The following NAV1 variants were observed in gnomAD, a reference collection of about 807,000 sequenced individuals.
NAV1 encodes pore membrane and/or filament interacting like protein 3.
A neutral mutation model predicts 175.2 loss-of-function variants in NAV1; 18 were observed. The ratio of observed to expected loss-of-function variants is 0.10; its 90% CI spans 0.07 to 0.15. NAV1 has a LOEUF of 0.15. Ranked by LOEUF, NAV1 falls within the 10% of genes least tolerant of loss-of-function variation. The probability of loss-of-function intolerance (pLI) is 1.00; values close to 1 mark genes in which losing one functional copy is unlikely to be tolerated. For missense variants in NAV1, 1,731 were observed against 2,436.6 expected (o/e 0.71, Z 6.10); for synonymous variants, 897 against 978.7 (o/e 0.92, Z 1.56).
intron 1 of NAV1, among the ~76,000 whole-genome samples, chr1:201,578,652 G>T (rs1425179842): frequency 1.3e-5 from 2 of 152,154 alleles, no homozygotes; most frequent in Non-Finnish European, 2.9e-5. Flanking sequence ...CACCCTAGTG[G>T]GGTTGTTGGG....
Position 201,812,691 on chromosome 1 carries a change from A to C in NAV1, c.5221+30A>C, listed in dbSNP as rs1678764941. The C allele has an allele frequency of 1.9e-6, 3 of 1,598,508 alleles. No homozygotes were observed. The African/African-American group carries it at 4.0e-5, about 21-fold the overall frequency. ...TGGGGTCCAGCTTCCCCCGGGGGTC[A>C]GGAGGTGGCTTCCCTTTTCCACTGT... On this transcript the variant is annotated intron_variant, in intron 27 of 29. Transcript: ENST00000367296. The surrounding 1 kb of genome is among the most constrained non-coding windows in gnomAD (Gnocchi z 4.6).
intron 1 of NAV1, among the ~76,000 whole-genome samples, chr1:201,565,516 G>T (rs1376224965): frequency 2.6e-5 from 4 of 152,220 alleles, no homozygotes; most frequent in Non-Finnish European, 4.4e-5. Context: ...CCGGCCCATG[G>T]CTATCCCAGG....
intron 1 of NAV1, among the ~76,000 whole-genome samples, chr1:201,682,462 G>A (rs1339306656): frequency 2.0e-5 from 3 of 152,048 alleles, no homozygotes; most frequent in African/African-American, 7.2e-5. Flanking sequence ...CACTCTCCCT[G>A]GTCAGGCTCT....
intron 3 of NAV1, among the ~76,000 whole-genome samples, chr1:201,728,599 CAAA>C (rs1278753255): frequency 5.1e-5 from 3 of 58,760 alleles, no homozygotes; most frequent in Admixed American, 1.8e-4. Context: ...CATCGCAAAA[CAAA>C]AAAAAAAAAA....
intron 1 of NAV1, among the ~76,000 whole-genome samples, chr1:201,572,009 C>G (rs890262961): frequency 6.6e-6 from 1 of 152,240 alleles, no homozygotes; most frequent in Non-Finnish European, 1.5e-5. Context: ...CTCAGTCATT[C>G]ACTCATCTGA....
chr1:201,809,259 G>T, exon 21 of NAV1: 3 of 1,613,920 alleles, frequency 1.9e-6, no homozygotes, highest in Non-Finnish European at 2.5e-6. Flanking sequence ...CATCATCAAA[G>T]GGGTAAGGAA....
At chr1:201,582,302 G>T (rs1666892721) in intron 1 of NAV1, among the ~76,000 whole-genome samples, 2 of 152,174 alleles carry the variant, frequency 1.3e-5, no homozygotes, top group Non-Finnish European at 1.5e-5. Context: ...AGAGAGAGAA[G>T]AGCTGACGAG....
intron 1 of NAV1, among the ~76,000 whole-genome samples, chr1:201,651,122 C>CGTGTGTGTGTGTGTGTGTGTGTGT (rs60462710): frequency 3.8e-4 from 49 of 129,158 alleles, no homozygotes; most frequent in South Asian, 5.7e-4. Flanking sequence ...AGGAAGGGAC[C>CGTGTGTGTGTGTGTGTGTGTGTGT]GTGTGTGTGT....
chr1:201,788,486 C>T lies in NAV1; in HGVS notation c.3014C>T (p.Thr1005Ile). 1 of 1,614,142 alleles carries T rather than the reference C, an allele frequency of 6.2e-7. No homozygotes were observed. The highest frequency in any genetic ancestry group is 8.5e-7 in the Non-Finnish European group (1 of 1,180,014). ...CTTCCAGTGAGTCCCACTGCGGCCA[C>T]CACGCCAAGAATCACCCGCTCCAAC... Residue 1005 changes from threonine (T) to isoleucine (I), a missense_variant, in exon 10 of 30, where the codon ACC becomes ATC. By Grantham distance (89) the Thr-to-Ile change is moderately conservative. Transcript: ENST00000367296. This position sits in a 1 kb window ranked among gnomAD's most constrained non-coding sequence, Gnocchi z 5.7.
intron 1 of NAV1, among the ~76,000 whole-genome samples, chr1:201,576,449 T>A (rs1666691475): frequency 6.6e-6 from 1 of 152,094 alleles, no homozygotes; most frequent in South Asian, 2.1e-4. Context: ...CTATTAAGAA[T>A]AAGCTGATAA....
chr1:201,568,151 G>A (rs970104975), intron 1 of NAV1, among the ~76,000 whole-genome samples: 1 of 152,164 alleles, frequency 6.6e-6, no homozygotes, highest in Admixed American at 6.5e-5. Flanking sequence ...GGGGTGAAAA[G>A]GCAGTGGGGG....
intron 7 of NAV1, 146 bp from the exon 12 acceptor site, chr1:201,785,164 G>T: frequency 1.4e-6 from 1 of 695,088 alleles, no homozygotes; most frequent in Non-Finnish European, 2.3e-6. Context: ...GTATCTCTTG[G>T]TTTCTAGAGC....
At chr1:201,642,501 C>T (rs1226985692) in intron 2 of NAV1, among the ~76,000 whole-genome samples, 4 of 137,300 alleles carry the variant, frequency 2.9e-5, no homozygotes, top group East Asian at 2.0e-4. Context: ...TGTGAGCCAC[C>T]GCACCCGGCC....
intron 2 of NAV1, among the ~76,000 whole-genome samples, chr1:201,630,631 T>C (rs948528300): frequency 3.3e-5 from 5 of 152,212 alleles, no homozygotes; most frequent in African/African-American, 7.2e-5. Flanking sequence ...CATTCTTCCA[T>C]GACAAGCCTT....
intron 2 of NAV1, among the ~76,000 whole-genome samples, chr1:201,617,510 G>C (rs577501784): frequency 6.6e-6 from 1 of 152,166 alleles, no homozygotes; most frequent in East Asian, 1.9e-4. Flanking sequence ...AGGATTGCTC[G>C]AGCTCAGGAG....
intron 1 of NAV1, among the ~76,000 whole-genome samples, chr1:201,547,555 T>C (rs988348192): frequency 3.3e-5 from 5 of 152,230 alleles, no homozygotes; most frequent in Non-Finnish European, 4.4e-5. Context: ...CTTTGACTTA[T>C]ATCATTTCAT....
Position 201,749,667 on chromosome 1 carries a change from A to G in NAV1, c.1227-30754A>G, listed in dbSNP as rs550728351. Among the ~76,000 whole-genome samples, 16 of 152,350 alleles carry G rather than the reference A, an allele frequency of 1.1e-4. No homozygotes were observed. The South Asian group carries it at 2.7e-3, about 26-fold the overall frequency. ...CATAAAAAGAAAGTTGTTTCCATAAAGACTATATTGGAAGTTTCAAAAGGG... is the reference window on the plus strand; with the variant it reads ...CATAAAAAGAAAGTTGTTTCCATAAGGACTATATTGGAAGTTTCAAAAGGG... On this transcript the variant is annotated intron_variant, in intron 3 of 29. Transcript: ENST00000367296.
intron 1 of NAV1, among the ~76,000 whole-genome samples, chr1:201,689,542 G>A (rs1317365162): frequency 6.6e-6 from 1 of 152,172 alleles, no homozygotes; most frequent in African/African-American, 2.4e-5. Flanking sequence ...GGATGGACAG[G>A]CTTTCCTACT....
intron 3 of NAV1, among the ~76,000 whole-genome samples, chr1:201,764,092 A>G (rs746814026): frequency 2.0e-5 from 3 of 152,238 alleles, no homozygotes; most frequent in Non-Finnish European, 4.4e-5. Flanking sequence ...ATAATAACCT[A>G]TGATATCATG....
Sources: allele counts gnomAD v4.1 joint callset (sites outside exome capture counted in the v4.1 genomes callset), GRCh38; gene constraint gnomAD v4.1.1; non-coding constraint Gnocchi (gnomAD v3.1); transcripts MANE v1.5; gene names NCBI Gene and HGNC (gene_info 2026-07-23, HGNC 2026-07-21).